The following PDE10A variants were observed in gnomAD, a reference collection of about 807,000 sequenced individuals.
PDE10A encodes cAMP and cAMP-inhibited cGMP 3',5'-cyclic phosphodiesterase 10A.
A neutral mutation model predicts 97.7 loss-of-function variants in PDE10A; 39 were observed. That is an observed-to-expected ratio of 0.40 (90% CI 0.31 to 0.52). The LOEUF is 0.52. PDE10A is among the 20% of genes least tolerant of loss of function. The pLI, the probability that PDE10A is intolerant of heterozygous loss-of-function variation, is 0.56. For synonymous variants in PDE10A, 371 were observed against 376.8 expected, an observed-to-expected ratio of 0.98 and a Z score of 0.18; for missense variants, 731 against 1,047.8, an observed-to-expected ratio of 0.70 and a Z score of 4.17.
intron 1 of PDE10A, among the ~76,000 whole-genome samples, chr6:165,965,830 C>T (rs1252070420): frequency 1.3e-5 from 2 of 152,216 alleles, no homozygotes; most frequent in African/African-American, 4.8e-5. Flanking sequence ...GCCAACAGCA[C>T]TGAAGACAGC....
rs1781412994 is a variant in PDE10A at position 165,332,810 on chromosome 6, G to T, written c.*215C>A. On this transcript the variant is annotated 3_prime_UTR_variant, in exon 22 of 22. Transcript: ENST00000539869. ...GGCCAGCTGATTTCTGAACGTGGGG[G>T]TGGTCCTGGTTGCTCAGTGTCTATG... The T allele has an allele frequency of 4.0e-6, 2 of 497,178 alleles. No individual in the cohort carries two copies. The allele number at this position is 497,178 out of a possible 1,614,324, so 30.8% of individuals were successfully genotyped here.
chr6:165,961,542 G>T (rs1435586345), intron 1 of PDE10A, among the ~76,000 whole-genome samples: 1 of 152,208 alleles, frequency 6.6e-6, no homozygotes, highest in African/African-American at 2.4e-5. Flanking sequence ...CATGACGTCA[G>T]CGAGGGCTCC....
intron 1 of PDE10A, among the ~76,000 whole-genome samples, chr6:165,595,806 C>A (rs1232947540): frequency 6.6e-6 from 1 of 152,194 alleles, no homozygotes; most frequent in Non-Finnish European, 1.5e-5. Context: ...AAGGGGAAAG[C>A]AGCATTTTGG....
rs536511056 is a variant in PDE10A at position 165,963,865 on chromosome 6, A to T, written c.-615+23664T>A. Among the ~76,000 whole-genome samples the T allele has an allele frequency of 3.9e-5, 6 of 152,320 alleles. No homozygotes were observed. The South Asian group carries it at 1.2e-3, about 32-fold the overall frequency. On this transcript the variant is annotated intron_variant, in intron 1 of 19. Coordinates refer to the PDE10A transcript ENST00000366882. ...GCCTCTATCCTGGCTTGGGCCAGGC[A>T]GCCGTCTCACCTGCCAAACTCTGAC...
At chr6:165,749,328 A>ATC (rs1275685553) in intron 1 of PDE10A, among the ~76,000 whole-genome samples, 1 of 50,512 alleles carries the variant, frequency 2.0e-5, no homozygotes, top group Non-Finnish European at 4.1e-5. Flanking sequence ...CACCATCACC[A>ATC]ATACCACCAT....
At chr6:165,839,866 TTC>T (rs1780180456) in intron 1 of PDE10A, among the ~76,000 whole-genome samples, 8 of 75,778 alleles carry the variant, frequency 1.1e-4, no homozygotes, top group South Asian at 4.1e-4. Flanking sequence ...CCTGTCTCCA[TTC>T]CCATCTGCAC....
At chr6:165,862,184 T>C (rs944598215) in intron 1 of PDE10A, among the ~76,000 whole-genome samples, 2 of 152,208 alleles carry the variant, frequency 1.3e-5, no homozygotes, top group African/African-American at 4.8e-5. Flanking sequence ...AGATACATGA[T>C]TTCACATCAT....
intron 18 of PDE10A, among the ~76,000 whole-genome samples, chr6:165,357,074 G>A (rs1030497508): frequency 6.6e-6 from 1 of 152,052 alleles, no homozygotes; most frequent in African/African-American, 2.4e-5. Flanking sequence ...AGTTTTCTGA[G>A]ATTTTTGGCC....
At chr6:165,618,270 A>C (rs1249182713) in intron 1 of PDE10A, among the ~76,000 whole-genome samples, 1 of 152,208 alleles carries the variant, frequency 6.6e-6, no homozygotes, top group African/African-American at 2.4e-5. Context: ...CTGTTAATGT[A>C]ACAAGAATTT....
At chr6:165,663,830 T>C (rs552106430), upstream of PDE10A, among the ~76,000 whole-genome samples, 16 of 152,338 alleles carry the variant, frequency 1.1e-4, no homozygotes, top group African/African-American at 3.8e-4. Context: ...CGCCTTGCCA[T>C]ATGCGGCTCT....
chr6:165,855,828 T>A (rs908739939), intron 1 of PDE10A, among the ~76,000 whole-genome samples: 17 of 152,182 alleles, frequency 1.1e-4, no homozygotes, highest in South Asian at 4.2e-4. Context: ...TCAGGTCCAA[T>A]GGGCACAGCC....
intron 1 of PDE10A, among the ~76,000 whole-genome samples, chr6:165,581,524 C>T (rs1431224120): frequency 2.6e-5 from 4 of 152,224 alleles, no homozygotes; most frequent in African/African-American, 9.6e-5. Context: ...CATCAGCCAG[C>T]ACCATGGTCT....
At chr6:165,411,522 T>C (rs1340762542) in intron 13 of PDE10A, among the ~76,000 whole-genome samples, 1 of 152,196 alleles carries the variant, frequency 6.6e-6, no homozygotes, top group African/African-American at 2.4e-5. Flanking sequence ...CACCTTGATC[T>C]TGGACTTCCA....
chr6:165,507,521 C>T (rs767301631), intron 2 of PDE10A, among the ~76,000 whole-genome samples: 8 of 152,024 alleles, frequency 5.3e-5, no homozygotes, highest in Non-Finnish European at 8.8e-5. Flanking sequence ...CTACACCAAG[C>T]CCAAGTCCAG....
chr6:165,336,706 G>C (rs373138160), intron 20 of PDE10A, among the ~76,000 whole-genome samples: 1 of 138,792 alleles, frequency 7.2e-6, no homozygotes, highest in Non-Finnish European at 1.5e-5. Flanking sequence ...CCGAGATTGC[G>C]CCACTGCAGT....
intron 8 of PDE10A, among the ~76,000 whole-genome samples, chr6:165,430,737 C>G (rs552034580): frequency 1.1e-4 from 17 of 152,242 alleles, no homozygotes; most frequent in African/African-American, 3.6e-4. Context: ...TAGTTGAGCA[C>G]ATATTCCACC....
chr6:165,515,713 G>T (rs956829566), intron 2 of PDE10A, among the ~76,000 whole-genome samples: 2 of 151,734 alleles, frequency 1.3e-5, no homozygotes, highest in African/African-American at 4.8e-5. Flanking sequence ...TAGTAGAGAC[G>T]GGGATTCACC....
At chr6:165,426,508 TA>T (rs1216328983) in intron 10 of PDE10A, among the ~76,000 whole-genome samples, 6 of 152,108 alleles carry the variant, frequency 3.9e-5, no homozygotes, top group African/African-American at 1.4e-4. Context: ...ATATAAGAGT[TA>T]AAAACCCTAC....
intron 1 of PDE10A, among the ~76,000 whole-genome samples, chr6:165,908,532 C>A (rs561890405): frequency 6.6e-6 from 1 of 152,174 alleles, no homozygotes; most frequent in African/African-American, 2.4e-5. Context: ...CAATCCAGCA[C>A]GGGGGCCAGG....
Sources: gnomAD v4.1 joint callset for allele counts (sites outside exome capture counted in the v4.1 genomes callset) on GRCh38, gnomAD v4.1.1 for gene constraint, MANE v1.5 for transcripts, NCBI Gene and HGNC (gene_info 2026-07-23, HGNC 2026-07-21) for gene names.